Variants in AMPH observed in about 807,000 individuals in gnomAD.
The protein encoded by AMPH is amphiphysin.
A neutral mutation model predicts 99.1 loss-of-function variants in AMPH; 49 were observed. The observed-to-expected ratio is 0.49, with a 90% CI of 0.39 to 0.63. The LOEUF (loss-of-function observed/expected upper bound fraction) is 0.63, where lower values mean the gene tolerates loss of function less well. Ranked by LOEUF, AMPH falls within the 20% of genes least tolerant of loss-of-function variation. The probability of loss-of-function intolerance (pLI) is 0.00; values close to 1 mark genes in which losing one functional copy is unlikely to be tolerated. For missense variants in AMPH, 759 were observed against 863.4 expected, an observed-to-expected ratio of 0.88 and a Z score of 1.52; for synonymous variants, 314 against 317.3, an observed-to-expected ratio of 0.99 and a Z score of 0.11.
intron 10 of AMPH, 93 bp from the exon 11 acceptor site, chr7:38,461,504 G>A (rs757799003): frequency 6.1e-6 from 9 of 1,472,356 alleles, no homozygotes; most frequent in African/African-American, 1.4e-5. Flanking sequence ...TGGACAGATT[G>A]AGCTCTGATT....
rs777920539 is a variant in AMPH, at chr7:38,620,544, TACATACACAC to T, written c.69+10729_69+10738del. Among the ~76,000 whole-genome samples, 483 of 111,238 alleles carry T rather than the reference TACATACACAC, an allele frequency of 4.3e-3. 3 individuals are homozygous for T. The highest frequency in any genetic ancestry group is 6.4e-3 in the South Asian group (19 of 2,984). The allele number at this position is 111,238 out of a possible 152,430, so 73.0% of individuals were successfully genotyped here. On this transcript the variant is annotated intron_variant, in intron 1 of 20. Transcript: ENST00000356264. ...TATGCATCTATGCTATATATATACA[TACATACACAC>T]ACACACACACACACACACACACACA...
intron 14 of AMPH, chr7:38,429,012 T>C: frequency 7.8e-7 from 1 of 1,290,186 alleles, no homozygotes; most frequent in Non-Finnish European, 1.0e-6. Context: ...TTCAAATTCC[T>C]CTGTACCTTC....
At chr7:38,433,698 C>A (rs1786134089) in intron 12 of AMPH, among the ~76,000 whole-genome samples, 1 of 60,922 alleles carries the variant, frequency 1.6e-5, no homozygotes, top group Admixed American at 2.7e-4. Flanking sequence ...GCACTCCAGC[C>A]TGGGCAACAG....
chr7:38,388,841 G>T (rs1051089649), intron 20 of AMPH, among the ~76,000 whole-genome samples: 1 of 152,080 alleles, frequency 6.6e-6, no homozygotes, highest in African/African-American at 2.4e-5. Context: ...ATGAGGTCTT[G>T]CTATGTTGAC....
At chr7:38,567,712 T>C (rs1791797173) in intron 1 of AMPH, among the ~76,000 whole-genome samples, 1 of 152,196 alleles carries the variant, frequency 6.6e-6, no homozygotes, top group South Asian at 2.1e-4. Context: ...AAAGCTTATG[T>C]TTTAGCTGCT....
intron 11 of AMPH, among the ~76,000 whole-genome samples, chr7:38,450,744 T>C (rs1786980142): frequency 6.6e-6 from 1 of 152,154 alleles, no homozygotes; most frequent in Non-Finnish European, 1.5e-5. Context: ...ATGTTGCTGA[T>C]AAGCTTATTT....
intron 2 of AMPH, among the ~76,000 whole-genome samples, chr7:38,508,495 A>G (rs898854318): frequency 2.6e-5 from 4 of 152,216 alleles, no homozygotes; most frequent in Non-Finnish European, 5.9e-5. Context: ...CACGGTATGG[A>G]AAAATTTTTC....
intron 14 of AMPH, 26 bp downstream of exon 14, chr7:38,429,816 C>T (rs1435774330): frequency 6.3e-7 from 1 of 1,598,994 alleles, no homozygotes; most frequent in Admixed American, 1.8e-5. Flanking sequence ...CCAAAAAAAT[C>T]CAGAATGATC....
intron 2 of AMPH, among the ~76,000 whole-genome samples, chr7:38,519,109 G>A (rs1344935042): frequency 6.6e-6 from 1 of 152,216 alleles, no homozygotes; most frequent in Non-Finnish European, 1.5e-5. Flanking sequence ...CCACCCATCT[G>A]CCATGGGATG....
intron 1 of AMPH, among the ~76,000 whole-genome samples, chr7:38,590,755 A>C (rs544697499): frequency 6.6e-6 from 1 of 152,324 alleles, no homozygotes; most frequent in Admixed American, 6.5e-5. Flanking sequence ...ATTCCTAGTC[A>C]GCCTAGGAAA....
Position 38,419,229 on chromosome 7 carries a change from C to T in AMPH, c.1273-1279G>A, listed in dbSNP as rs116391281. On this transcript the variant is annotated intron_variant, in intron 16 of 20. Transcript: ENST00000356264. ...CTGTACATTTATCTGAGTCAGTGCACATGGCAAGTTCCACAGAGAAGTGCT... is the reference window on the plus strand; with the variant it reads ...CTGTACATTTATCTGAGTCAGTGCATATGGCAAGTTCCACAGAGAAGTGCT... Among the ~76,000 whole-genome samples the T allele has an allele frequency of 5.4e-3, 828 of 152,236 alleles. 8 individuals carry two copies. The highest frequency in any genetic ancestry group is 0.019 in the African/African-American group (779 of 41,534).
rs142459015 is a variant in AMPH at position 38,606,322 on chromosome 7, C to T, written c.69+24961G>A. ...TGCAACCGTCACCACTGTCTAGTTC[C>T]GGAATATTTTCATCATCCCAAAAAA... is the stretch of plus-strand genomic sequence containing the variant. On this transcript the variant is annotated intron_variant, in intron 1 of 20. Coordinates refer to ENST00000356264, the MANE Select transcript of AMPH (RefSeq NM_001635.4). Among the ~76,000 whole-genome samples, 425 of 152,194 alleles carry T rather than the reference C, an allele frequency of 2.8e-3. 2 individuals are homozygous for T. Among genetic ancestry groups the T allele is most frequent in the African/African-American group, 9.7e-3 (402 of 41,516 alleles).
intron 1 of AMPH, among the ~76,000 whole-genome samples, chr7:38,608,891 T>C (rs1004084280): frequency 6.6e-6 from 1 of 152,194 alleles, no homozygotes; most frequent in African/African-American, 2.4e-5. Flanking sequence ...AAAGGAGATA[T>C]GAGAGTTCTA....
Position 38,550,475 on chromosome 7 carries a change from C to A in AMPH, c.70-15464G>T, listed in dbSNP as rs148868525. 2.6e-5 allele frequency among the ~76,000 whole-genome samples: 4 copies of A among 152,314 alleles called. No individual in the cohort carries two copies. In the East Asian group the frequency reaches 7.7e-4, roughly 29 times the overall value. On this transcript the variant is annotated intron_variant, in intron 1 of 20. Coordinates refer to ENST00000356264, the MANE Select transcript of AMPH (RefSeq NM_001635.4). ...TCAAATTGAAGCTGTAATGATCACA[C>A]GATACACCACAAATGCTGGTTATTA... is the stretch of plus-strand genomic sequence containing the variant.
chr7:38,607,995 A>T (rs898918280), intron 1 of AMPH, among the ~76,000 whole-genome samples: 1 of 151,884 alleles, frequency 6.6e-6, no homozygotes, highest in Non-Finnish European at 1.5e-5. Context: ...TGCTTTTTTT[A>T]AATTTTTTTC....
chr7:38,542,543 T>C (rs1447823763), intron 1 of AMPH, among the ~76,000 whole-genome samples: 1 of 152,172 alleles, frequency 6.6e-6, no homozygotes, highest in Non-Finnish European at 1.5e-5. Flanking sequence ...TAAACATACG[T>C]GACCACAAAA....
chr7:38,417,883 G>A lies in AMPH; in HGVS notation c.1340C>T (p.Ala447Val), dbSNP rs1441744902. The A allele has an allele frequency of 6.2e-7, 1 of 1,614,180 alleles. No individual in the cohort carries two copies. Among genetic ancestry groups the A allele is most frequent in the South Asian group, 1.1e-5 (1 of 91,088 alleles). Residue 447 changes from alanine to valine, a missense_variant, in exon 17 of 21, where the codon GCC becomes GTC. Transcript: ENST00000356264. ...GTCCATTCCAAGGTCCAGACCAACG[G>A]CAGGTGTGACAGCAGCCAGAGGCTC... Reference protein sequence around the residue: ...AEEPLAAVTPAVGLDLGMDTR... With the variant: ...AEEPLAAVTPVVGLDLGMDTR...
At chr7:38,614,308 G>A (rs993403369) in intron 1 of AMPH, among the ~76,000 whole-genome samples, 2 of 152,198 alleles carry the variant, frequency 1.3e-5, no homozygotes, top group African/African-American at 4.8e-5. Context: ...AATTGCAATT[G>A]GCAAACAATC....
chr7:38,552,432 T>C (rs994628799), intron 1 of AMPH, among the ~76,000 whole-genome samples: 6 of 152,222 alleles, frequency 3.9e-5, no homozygotes, highest in African/African-American at 1.4e-4. Flanking sequence ...ATTATTTTAA[T>C]TTAATACCCA....
Sources: gnomAD v4.1 joint callset for allele counts (sites outside exome capture counted in the v4.1 genomes callset) on GRCh38, gnomAD v4.1.1 for gene constraint, MANE v1.5 for transcripts, NCBI Gene and HGNC (gene_info 2026-07-23, HGNC 2026-07-21) for gene names.